FUT9: variants seen among roughly 807,000 people sequenced by gnomAD.
The protein encoded by FUT9 is 4-galactosyl-N-acetylglucosaminide 3-alpha-L-fucosyltransferase 9.
A neutral mutation model predicts 29.7 loss-of-function variants in FUT9; 15 were observed. The ratio of observed to expected loss-of-function variants is 0.51; its 90% CI spans 0.34 to 0.78. The LOEUF (loss-of-function observed/expected upper bound fraction) is 0.78. Among genes scored for constraint, FUT9 ranks in the 30% least tolerant of loss-of-function variants. The probability of loss-of-function intolerance (pLI) is 0.01; values close to 1 mark genes in which losing one functional copy is unlikely to be tolerated. For missense variants in FUT9, 319 were observed against 425.4 expected (o/e 0.75, Z 2.20); for synonymous variants, 169 against 153.7 (o/e 1.10, Z -0.74).
intron 1 of FUT9, among the ~76,000 whole-genome samples, chr6:96,098,061 T>G (rs1771530044): frequency 1.3e-5 from 2 of 151,890 alleles, no homozygotes; most frequent in Non-Finnish European, 2.9e-5. Flanking sequence ...AGTTATTGCC[T>G]ATTCCCAGCA....
intron 2 of FUT9, among the ~76,000 whole-genome samples, chr6:96,192,579 G>A (rs1269564407): frequency 1.3e-5 from 2 of 152,064 alleles, no homozygotes; most frequent in Non-Finnish European, 2.9e-5. Context: ...AAGAACATTC[G>A]ATGCTCATGG....
At chr6:96,048,499 G>A (rs1166961439) in intron 1 of FUT9, among the ~76,000 whole-genome samples, 14 of 152,202 alleles carry the variant, frequency 9.2e-5, no homozygotes, top group African/African-American at 3.4e-4. Flanking sequence ...AGGAAGGATT[G>A]ACAAAGAGAA....
intron 2 of FUT9, among the ~76,000 whole-genome samples, chr6:96,165,460 T>C (rs151297001): frequency 1.0e-3 from 149 of 148,960 alleles, no homozygotes; most frequent in African/African-American, 3.5e-3. Context: ...CGATTCACAA[T>C]AGTCTTCAGT....
At chr6:96,089,836 T>C (rs1348845636) in intron 1 of FUT9, among the ~76,000 whole-genome samples, 1 of 152,178 alleles carries the variant, frequency 6.6e-6, no homozygotes, top group Non-Finnish European at 1.5e-5. Flanking sequence ...TGGCATTGCA[T>C]TATTAGTGCA....
chr6:96,116,096 G>C (rs200500091), intron 2 of FUT9, among the ~76,000 whole-genome samples: 2 of 152,020 alleles, frequency 1.3e-5, no homozygotes, highest in Non-Finnish European at 2.9e-5. Flanking sequence ...CTCTTAAAAC[G>C]TAATAAGAAA....
At chr6:96,200,943 G>T (rs1384543490) in intron 2 of FUT9, among the ~76,000 whole-genome samples, 1 of 150,686 alleles carries the variant, frequency 6.6e-6, no homozygotes, top group Admixed American at 6.6e-5. Flanking sequence ...CTGAATTTTT[G>T]TATTTTTGCA....
At chr6:96,179,695 A>C (rs1270022277) in intron 2 of FUT9, among the ~76,000 whole-genome samples, 1 of 152,186 alleles carries the variant, frequency 6.6e-6, no homozygotes. Flanking sequence ...TATACATAAG[A>C]ACAATAAAAA....
intron 1 of FUT9, among the ~76,000 whole-genome samples, chr6:96,050,114 A>G (rs1770638884): frequency 6.6e-6 from 1 of 152,116 alleles, no homozygotes; most frequent in Admixed American, 6.6e-5. Flanking sequence ...GCTCATATGC[A>G]TGCTCCATCA....
chr6:96,023,757 TG>T (rs981307442), intron 1 of FUT9, among the ~76,000 whole-genome samples: 6 of 152,076 alleles, frequency 3.9e-5, no homozygotes, highest in Middle Eastern at 3.4e-3. Flanking sequence ...ACTGTTTCAC[TG>T]GTCATACAGT....
At chr6:96,092,115 T>C (rs1771421244) in intron 1 of FUT9, among the ~76,000 whole-genome samples, 1 of 152,026 alleles carries the variant, frequency 6.6e-6, no homozygotes, top group South Asian at 2.1e-4. Context: ...ACTTTAACAG[T>C]AAAAAATTGA....
intron 2 of FUT9, among the ~76,000 whole-genome samples, chr6:96,200,944 T>C (rs573841126): frequency 2.6e-5 from 4 of 152,062 alleles, no homozygotes; most frequent in Non-Finnish European, 4.4e-5. Flanking sequence ...TGAATTTTTG[T>C]ATTTTTGCAT....
At chr6:96,120,535 G>C (rs571206559) in intron 2 of FUT9, among the ~76,000 whole-genome samples, 3 of 146,778 alleles carry the variant, frequency 2.0e-5, no homozygotes, top group Non-Finnish European at 4.5e-5. Context: ...CGCCCGCCTC[G>C]GCCTCCCAAA....
intron 1 of FUT9, among the ~76,000 whole-genome samples, chr6:96,112,669 C>T (rs887797823): frequency 1.3e-5 from 2 of 152,082 alleles, no homozygotes; most frequent in Admixed American, 1.3e-4. Flanking sequence ...TGTGCGCAAG[C>T]GTGTGTGCAT....
chr6:96,039,460 C>T (rs897830036), intron 1 of FUT9, among the ~76,000 whole-genome samples: 2 of 152,090 alleles, frequency 1.3e-5, no homozygotes, highest in Non-Finnish European at 2.9e-5. Flanking sequence ...ATTTTGTCTT[C>T]GTTTTACACT....
rs1426345499 is a variant in FUT9, at chr6:96,208,740, C to T, written c.*4505C>T. On this transcript the variant is annotated 3_prime_UTR_variant, in exon 3 of 3. Transcript: ENST00000302103. The stretch of plus-strand genomic sequence containing the variant: ...TAACATTCTATGCAAATATTAGTAA[C>T]ATATCAACTGTTTCTAAAAGGAAAG... 1 of 166,710 alleles carries T rather than the reference C, an allele frequency of 6.0e-6. No homozygotes were observed. Among genetic ancestry groups the T allele is most frequent in the African/African-American group, 2.4e-5 (1 of 41,410 alleles). The allele number at this position is 166,710 out of a possible 1,614,324, so 10.3% of individuals were successfully genotyped here. A position where few individuals can be genotyped will look rare whatever the true frequency, so the allele number is the denominator to read the frequency against.
chr6:96,074,158 T>G (rs933734331), intron 1 of FUT9, among the ~76,000 whole-genome samples: 2 of 152,192 alleles, frequency 1.3e-5, no homozygotes, highest in East Asian at 3.9e-4. Flanking sequence ...AAATTTGTAC[T>G]GCACCAAACA....
At chr6:96,153,401 T>C (rs750290985) in intron 2 of FUT9, among the ~76,000 whole-genome samples, 2 of 152,132 alleles carry the variant, frequency 1.3e-5, no homozygotes, top group Admixed American at 1.3e-4. Context: ...CACTAATTTA[T>C]ATTTGGGGGA....
intron 2 of FUT9, among the ~76,000 whole-genome samples, chr6:96,178,060 C>T (rs1174797608): frequency 6.6e-6 from 1 of 152,132 alleles, no homozygotes; most frequent in Admixed American, 6.6e-5. Flanking sequence ...GGTCCACCTA[C>T]ACTGCCATTC....
intron 1 of FUT9, among the ~76,000 whole-genome samples, chr6:96,102,165 G>A (rs887541766): frequency 6.6e-6 from 1 of 151,948 alleles, no homozygotes; most frequent in African/African-American, 2.4e-5. Context: ...CAATGTTATT[G>A]AGAGATCGTT....
Sources: allele counts gnomAD v4.1 joint callset (sites outside exome capture counted in the v4.1 genomes callset), GRCh38; gene constraint gnomAD v4.1.1; transcripts MANE v1.5; gene names NCBI Gene and HGNC (gene_info 2026-07-23, HGNC 2026-07-21).